FUBP3: variants seen among roughly 807,000 people sequenced by gnomAD.
The protein encoded by FUBP3 is far upstream element binding protein 3.
FUBP3 carries 28 observed loss-of-function variants against 85.6 expected under a neutral mutation model. The ratio of observed to expected loss-of-function variants is 0.33; its 90% CI spans 0.24 to 0.45. The LOEUF is 0.45. Ranked by LOEUF, FUBP3 falls within the 20% of genes least tolerant of loss-of-function variation. FUBP3 has a pLI of 1.00. For synonymous variants in FUBP3, 271 were observed against 271.4 expected (o/e 1.00, Z 0.01); for missense variants, 583 against 755.1 (o/e 0.77, Z 2.67).
chr9:130,598,125 G>C (rs562575061), intron 2 of FUBP3, among the ~76,000 whole-genome samples: 24 of 152,306 alleles, frequency 1.6e-4, no homozygotes, highest in Admixed American at 5.9e-4. Flanking sequence ...GGCCAAGTCA[G>C]CTAACATCTG....
In FUBP3 at chr9:130,635,271, C is replaced by T. The variant is rs1830371544; in HGVS notation, c.1582+533C>T. Among the ~76,000 whole-genome samples, 1 of 152,106 alleles carries T rather than the reference C, an allele frequency of 6.6e-6. No homozygotes were observed. The highest frequency in any genetic ancestry group is 1.9e-4 in the East Asian group (1 of 5,198). ...AATGAAACCAGCCTTCAGAGCAGGG[C>T]GAGGGACCCAACAAGCAAAAGGTCT... On this transcript the variant is annotated intron_variant, in intron 17 of 18. Coordinates refer to ENST00000319725, the MANE Select transcript of FUBP3 (RefSeq NM_003934.2). The surrounding 1 kb of genome is among the most constrained non-coding windows in gnomAD (Gnocchi z 4.3).
rs1312869251 is a variant in FUBP3, at chr9:130,637,760, TAAAAC to T, written c.*748_*752del. 1.3e-5 allele frequency: 2 copies of T among 152,506 alleles called. No individual in the cohort carries two copies. The highest frequency in any genetic ancestry group is 6.5e-5 in the Admixed American group (1 of 15,292). 9.4% of individuals were successfully genotyped at this position (152,506 alleles called of 1,614,324 possible). On this transcript the variant is annotated 3_prime_UTR_variant, in exon 19 of 19. Coordinates refer to ENST00000319725, the MANE Select transcript of FUBP3 (RefSeq NM_003934.2). The stretch of plus-strand genomic sequence containing the variant: ...TATCTAAGACCTCCAAGCTTGTTTT[TAAAAC>T]AAAACAAAAAACCTTTCTCTATTAT...
At chr9:130,624,860 C>A (rs532673104) in intron 11 of FUBP3, among the ~76,000 whole-genome samples, 1 of 152,010 alleles carries the variant, frequency 6.6e-6, no homozygotes, top group Non-Finnish European at 1.5e-5. Context: ...CCGAGGCAAG[C>A]GGATCACCTG....
At chr9:130,591,127 G>A (rs909064593) in intron 1 of FUBP3, among the ~76,000 whole-genome samples, 10 of 151,774 alleles carry the variant, frequency 6.6e-5, no homozygotes, top group African/African-American at 2.4e-4. Context: ...CCATGTCTGA[G>A]CCCCAGTTTT....
At chr9:130,592,427 C>T (rs1217848938) in intron 1 of FUBP3, among the ~76,000 whole-genome samples, 1 of 152,204 alleles carries the variant, frequency 6.6e-6, no homozygotes, top group Non-Finnish European at 1.5e-5. Context: ...GGTAGATTGC[C>T]AAGCCCTGGC....
At chr9:130,634,276 C>G (rs933434434) in intron 16 of FUBP3, among the ~76,000 whole-genome samples, 2 of 152,208 alleles carry the variant, frequency 1.3e-5, no homozygotes, top group East Asian at 3.9e-4. Context: ...CCTCCACTTC[C>G]CTTGGTCCAG....
At chr9:130,621,774 G>C (rs911553960) in intron 9 of FUBP3, among the ~76,000 whole-genome samples, 24 of 151,686 alleles carry the variant, frequency 1.6e-4, no homozygotes, top group Admixed American at 1.2e-3. Flanking sequence ...GTGTGGTGAC[G>C]CGTGCCTGTA....
intron 2 of FUBP3, among the ~76,000 whole-genome samples, chr9:130,606,454 T>C (rs1209668778): frequency 6.6e-6 from 1 of 152,196 alleles, no homozygotes; most frequent in Non-Finnish European, 1.5e-5. Flanking sequence ...CAGCCCGTGC[T>C]GGCTGTGCTG....
chr9:130,629,898 TC>T (rs1459599627), intron 12 of FUBP3, among the ~76,000 whole-genome samples: 5 of 152,320 alleles, frequency 3.3e-5, no homozygotes, highest in African/African-American at 1.2e-4. Context: ...AGAAGAAGAA[TC>T]CAACTATTGT....
rs762168253 is a variant in FUBP3 at position 130,631,609 on chromosome 9, C to T, written c.1331C>T (p.Pro444Leu). ...GAFGQSPFSQ[P>L]PAPPHQNTFP... ...TTCGGACAGAGTCCATTCAGCCAGC[C>T]ACCTGCCCCACCTCATCAAAAGTGA... is the stretch of plus-strand genomic sequence containing the variant. Residue 444 changes from proline to leucine, a missense_variant, in exon 14 of 19, where the codon CCA (proline) becomes CTA (leucine). Physicochemically the swap from Pro to Leu is moderately conservative, Grantham distance 98 (BLOSUM62 -3). Transcript: ENST00000319725. 1 of 1,613,578 alleles carries T rather than the reference C, an allele frequency of 6.2e-7. No individual in the cohort carries two copies. The highest frequency in any genetic ancestry group is 1.3e-5 in the African/African-American group (1 of 75,054).
chr9:130,632,786 G>T (rs1188317180), intron 16 of FUBP3, among the ~76,000 whole-genome samples: 1 of 152,260 alleles, frequency 6.6e-6, no homozygotes, highest in Non-Finnish European at 1.5e-5. Context: ...GAGGCTGGTT[G>T]TGAAGGAGAA....
At position 130,626,493 on chromosome 9, in the gene FUBP3, G is replaced by C. The variant is rs144677041; in HGVS notation, c.1105G>C (p.Val369Leu). The C allele has an allele frequency of 1.2e-6, 2 of 1,614,092 alleles. No homozygotes were observed. Among genetic ancestry groups the C allele is most frequent in the African/African-American group, 1.3e-5 (1 of 75,038 alleles). ...YTVPADKCGL[V>L]IGKGGENIKS... ...GGTGCCAGCCGATAAGTGTGGCCTC[G>C]TCATAGGCAAAGGTAAGAGGCAGCT... The change falls in exon 12 of 19, where the codon GTC (valine) becomes CTC (leucine). Residue 369 changes from valine to leucine, a missense_variant. Physicochemically the swap from Val to Leu is conservative, Grantham distance 32 (BLOSUM62 1). This residue lies in a region of FUBP3 where 404 missense variants were observed against 516.8 expected (regional missense o/e 0.78). Transcript: ENST00000319725.
At chr9:130,626,199 A>T in intron 11 of FUBP3, 165 bp from the exon 12 acceptor site, 1 of 675,918 alleles carries the variant, frequency 1.5e-6, no homozygotes, top group Non-Finnish European at 2.5e-6. Context: ...GATCGGTGTT[A>T]ATTCTGGCTT....
chr9:130,620,907 T>C (rs1418459189), intron 9 of FUBP3, among the ~76,000 whole-genome samples: 3 of 152,052 alleles, frequency 2.0e-5, no homozygotes, highest in Admixed American at 6.5e-5. Context: ...ACAGAACAAA[T>C]ATTGTACGAT....
chr9:130,591,227 G>A (rs893326984), intron 1 of FUBP3, among the ~76,000 whole-genome samples: 1 of 152,060 alleles, frequency 6.6e-6, no homozygotes, highest in Non-Finnish European at 1.5e-5. Flanking sequence ...GGCGGATCAC[G>A]AGGGCAGGAG....
chr9:130,612,405 C>A lies in FUBP3; in HGVS notation c.225-51C>A. ...TGGGCAGTTTGGGGACCTAAAATGGCTGCAAAAGTCTGTATTCTGTATTTT... is the reference window on the plus strand; with the variant it reads ...TGGGCAGTTTGGGGACCTAAAATGGATGCAAAAGTCTGTATTCTGTATTTT... On this transcript the variant is annotated intron_variant, in intron 3 of 18. Coordinates refer to ENST00000319725, the MANE Select transcript of FUBP3 (RefSeq NM_003934.2). This position sits in a 1 kb window ranked among gnomAD's most constrained non-coding sequence, Gnocchi z 4.1. 3 of 1,191,128 alleles carry A rather than the reference C, an allele frequency of 2.5e-6. No individual in the cohort carries two copies. The highest frequency in any genetic ancestry group is 1.5e-5 in the African/African-American group (1 of 66,136). 73.8% of individuals were successfully genotyped at this position (1,191,128 alleles called of 1,614,324 possible).
At chr9:130,598,072 C>T (rs1046318791) in intron 2 of FUBP3, among the ~76,000 whole-genome samples, 1 of 152,122 alleles carries the variant, frequency 6.6e-6, no homozygotes, top group Non-Finnish European at 1.5e-5. Context: ...TATAAATGAA[C>T]CCGAGGTTTT....
At chr9:130,607,153 C>G (rs1247940349) in intron 2 of FUBP3, among the ~76,000 whole-genome samples, 2 of 149,454 alleles carry the variant, frequency 1.3e-5, no homozygotes, top group African/African-American at 5.0e-5. Flanking sequence ...TTTTTTTTTA[C>G]TAGAGACAGG....
intron 1 of FUBP3, among the ~76,000 whole-genome samples, chr9:130,582,703 T>C (rs185735591): frequency 1.2e-3 from 188 of 152,304 alleles, no homozygotes; most frequent in Admixed American, 1.2e-3. Flanking sequence ...TCTGGATGAG[T>C]AGATCCAAGT....
Sources: gnomAD v4.1 joint callset for allele counts (sites outside exome capture counted in the v4.1 genomes callset) on GRCh38, gnomAD v4.1.1 for gene constraint, gnomAD v4.1.1 regional missense constraint, Gnocchi (gnomAD v3.1) non-coding constraint, MANE v1.5 for transcripts, NCBI Gene and HGNC (gene_info 2026-07-23, HGNC 2026-07-21) for gene names.